The following TNXB variants were observed in gnomAD, a reference collection of about 807,000 sequenced individuals.
The protein encoded by TNXB is tenascin XB, also known as tenascin-X.
A neutral mutation model predicts 340.5 loss-of-function variants in TNXB; 183 were observed. That is an observed-to-expected ratio of 0.54 (90% CI 0.48 to 0.61). The LOEUF is 0.61. TNXB is among the 20% of genes least tolerant of loss of function. The pLI is 0.00. For synonymous variants in TNXB, 2,121 were observed against 2,314.5 expected, an observed-to-expected ratio of 0.92 and a Z score of 2.40; for missense variants, 4,613 against 5,446.4, an observed-to-expected ratio of 0.85 and a Z score of 4.82.
chr6:32,041,455 G>C lies in TNXB; in HGVS notation c.12634-5C>G. On this transcript the variant is annotated splice_region_variant and splice_polypyrimidine_tract_variant and intron_variant, in intron 43 of 43. Coordinates refer to ENST00000644971, the MANE Select transcript of TNXB (RefSeq NM_001365276.2). The stretch of plus-strand genomic sequence containing the variant: ...CCAGTGGTACCAGCTCACTCCCTGG[G>C]AAAGGGGTTGTCAAGAGAGAGTCAA... The C allele has an allele frequency of 1.0e-6, 1 of 979,998 alleles. No homozygotes were observed. 60.7% of individuals were successfully genotyped at this position (979,998 alleles called of 1,614,324 possible). A position where few individuals can be genotyped will look rare whatever the true frequency, so the allele number is the denominator to read the frequency against.
chr6:32,081,434 T>C lies in TNXB; in HGVS notation c.3976A>G (p.Lys1326Glu), dbSNP rs774469183. 7.0e-6 allele frequency: 11 copies of C among 1,569,034 alleles called. No individual in the cohort carries two copies. The highest frequency in any genetic ancestry group is 2.4e-5 in the East Asian group (1 of 42,492). The change falls in exon 10 of 44, where the codon AAG becomes GAG. Residue 1326 changes from lysine (K) to glutamate (E), a missense_variant. Physicochemically the swap from Lys to Glu is moderately conservative, Grantham distance 56 (BLOSUM62 1). Coordinates refer to ENST00000644971, the MANE Select transcript of TNXB (RefSeq NM_001365276.2). The surrounding 1 kb of genome is among the most constrained non-coding windows in gnomAD (Gnocchi z 5.1). ...CCACGAAGCCCGTAGAGGTTCATCTTATACTTCCGGTCGGGATCCAGGCCG... is the reference window on the plus strand; with the variant it reads ...CCACGAAGCCCGTAGAGGTTCATCTCATACTTCCGGTCGGGATCCAGGCCG... ...VPGLDPDRKYKMNLYGLRGRQ... is the reference protein window; with the variant it reads ...VPGLDPDRKYEMNLYGLRGRQ...
In TNXB at chr6:32,067,206, G is replaced by A. The variant is rs1316261494; in HGVS notation, c.6544+455C>T. ...AAGAAAACATTCTAGTGATTCTAGT[G>A]GAGGAAGTGGGTGGGGCAGAGATGA... is the stretch of plus-strand genomic sequence containing the variant. On this transcript the variant is annotated intron_variant, in intron 18 of 43. Transcript: ENST00000644971. The surrounding 1 kb of genome is among the most constrained non-coding windows in gnomAD (Gnocchi z 4.2). Among the ~76,000 whole-genome samples, 1 of 145,464 alleles carries A rather than the reference G, an allele frequency of 6.9e-6. No homozygotes were observed. The highest frequency in any genetic ancestry group is 1.5e-5 in the Non-Finnish European group (1 of 65,492).
intron 18 of TNXB, 42 bp from the exon 19 acceptor site, chr6:32,065,159 G>A (rs959973139): frequency 2.0e-6 from 3 of 1,483,816 alleles, no homozygotes; most frequent in African/African-American, 2.8e-5. Flanking sequence ...TTGCTGCAAG[G>A]AGGTGTTGAG....
chr6:32,046,016 T>C lies in TNXB; in HGVS notation c.10606+159A>G, dbSNP rs1776841388. ...CCTGCTCTGGACTCCTTGATGGATGTTGAAGCCCACAGGGCTGCAGACTCC... is the reference window on the plus strand; with the variant it reads ...CCTGCTCTGGACTCCTTGATGGATGCTGAAGCCCACAGGGCTGCAGACTCC... On this transcript the variant is annotated intron_variant, in intron 31 of 43. Coordinates refer to ENST00000644971, the MANE Select transcript of TNXB (RefSeq NM_001365276.2). The surrounding 1 kb of genome is among the most constrained non-coding windows in gnomAD (Gnocchi z 6.9). The C allele has an allele frequency of 1.4e-6, 2 of 1,383,642 alleles. No individual in the cohort carries two copies. Among genetic ancestry groups the C allele is most frequent in the Non-Finnish European group, 1.9e-6 (2 of 1,070,348 alleles). 85.7% of individuals were successfully genotyped at this position (1,383,642 alleles called of 1,614,324 possible). A position where few individuals can be genotyped will look rare whatever the true frequency, so the allele number is the denominator to read the frequency against.
intron 1 of TNXB, among the ~76,000 whole-genome samples, chr6:32,106,972 T>A: frequency 6.6e-6 from 1 of 152,248 alleles, no homozygotes; most frequent in East Asian, 1.9e-4. Flanking sequence ...TAGGTACACA[T>A]ATGGGTGCCC....
At position 32,083,601 on chromosome 6, in the gene TNXB, C is replaced by CCA. The variant is rs1400298742; in HGVS notation, c.3445+811_3445+812insTG. 4.6e-5 allele frequency among the ~76,000 whole-genome samples: 7 copies of CCA among 152,176 alleles called. No homozygotes were observed. Among genetic ancestry groups the CCA allele is most frequent in the African/African-American group, 1.7e-4 (7 of 41,440 alleles). On this transcript the variant is annotated intron_variant, in intron 8 of 43. Transcript: ENST00000644971. This position sits in a 1 kb window ranked among gnomAD's most constrained non-coding sequence, Gnocchi z 4.6. ...GCCTGGTACACCTTGCTTTCCTTCG[C>CCA]CTCCCCCATCCAGCCCCACTGCCAC...
chr6:32,097,092 C>T lies in TNXB; in HGVS notation c.761G>A (p.Ser254Asn), dbSNP rs757729282. Residue 254 changes from serine to asparagine, a missense_variant, in exon 3 of 44, where the codon AGC becomes AAC. Around this residue, in one of 7 missense-constraint regions of TNXB, gnomAD observed 4,327 missense variants for 4,859.4 expected, o/e 0.89. Transcript: ENST00000644971. This position sits in a 1 kb window ranked among gnomAD's most constrained non-coding sequence, Gnocchi z 5.9. Reference protein sequence around the residue: ...CSQRSCPRGCSQRGRCEGGRC... With the variant: ...CSQRSCPRGCNQRGRCEGGRC... Reference sequence around the variant, plus strand: ...CCCACCCTCACAGCGTCCCCTCTGGCTGCAACCTCGAGGGCAGGAGCGCTG... The same window carrying T: ...CCCACCCTCACAGCGTCCCCTCTGGTTGCAACCTCGAGGGCAGGAGCGCTG... 8.7e-6 allele frequency: 14 copies of T among 1,613,452 alleles called. No homozygotes were observed. The East Asian group carries it at 3.1e-4, about 36-fold the overall frequency.
chr6:32,062,248 G>A lies in TNXB; in HGVS notation c.7077C>T (p.Ser2359=), dbSNP rs548923920. 99 of 1,613,250 alleles carry A rather than the reference G, an allele frequency of 6.1e-5. No individual in the cohort carries two copies. Among genetic ancestry groups the A allele is most frequent in the Middle Eastern group, 1.7e-4 (1 of 6,052 alleles). The change falls in exon 20 of 44, where the codon TCC becomes TCT. Residue 2359 remains serine (S), a synonymous_variant. Transcript: ENST00000644971. This position sits in a 1 kb window ranked among gnomAD's most constrained non-coding sequence, Gnocchi z 4.3. ...TGTACTTGTTGTCTGGCTCCAGGCC[G>A]GAGATGGTGACCCTGTCCTCATGTC... ...VPGHEDRVTI[S]GLEPDNKYKM...
chr6:32,097,493 A>G lies in TNXB; in HGVS notation c.404-44T>C. ...GGCAAGTCTCAGTCTCTCTCCTGGG[A>G]GAGAGGCTGAGCCTATGTAGTGCTC... On this transcript the variant is annotated intron_variant, in intron 2 of 43. Coordinates refer to ENST00000644971, the MANE Select transcript of TNXB (RefSeq NM_001365276.2). The surrounding 1 kb of genome is among the most constrained non-coding windows in gnomAD (Gnocchi z 5.9). 1 of 1,557,804 alleles carries G rather than the reference A, an allele frequency of 6.4e-7. No homozygotes were observed. Among genetic ancestry groups the G allele is most frequent in the Non-Finnish European group, 8.7e-7 (1 of 1,155,518 alleles).
In TNXB at chr6:32,079,321, C is replaced by A; in HGVS notation, c.4087G>T (p.Gly1363Cys). ...TCGGGGGACTCCGGGGCCTCCGTGC[C>A]CAGTTCTGTGGGGCTGGGGGTCTCG... ...VDETPSPTELGTEAPESPEEP... is the reference protein window; with the variant it reads ...VDETPSPTELCTEAPESPEEP... Residue 1363 changes from glycine (G) to cysteine (C), a missense_variant, in exon 11 of 44, where the codon GGC becomes TGC. Physicochemically the swap from Gly to Cys is radical, Grantham distance 159 (BLOSUM62 -3). Around this residue, in one of 7 missense-constraint regions of TNXB, gnomAD observed 4,327 missense variants for 4,859.4 expected, o/e 0.89. Transcript: ENST00000644971. This position sits in a 1 kb window ranked among gnomAD's most constrained non-coding sequence, Gnocchi z 7.1. 6.2e-7 allele frequency: 1 copy of A among 1,612,352 alleles called. No individual in the cohort carries two copies. Among genetic ancestry groups the A allele is most frequent in the Non-Finnish European group, 8.5e-7 (1 of 1,179,514 alleles).
rs1402277119 is a variant in TNXB at position 32,075,691 on chromosome 6, G to A, written c.4376-1739C>T. ...CTGCTTTATTCACTGCTGTGTCCCA[G>A]TCCCTGGCACACAGTAGGTGCTCCA... On this transcript the variant is annotated intron_variant, in intron 11 of 43. Coordinates refer to ENST00000644971, the MANE Select transcript of TNXB (RefSeq NM_001365276.2). This position sits in a 1 kb window ranked among gnomAD's most constrained non-coding sequence, Gnocchi z 4.6. Among the ~76,000 whole-genome samples the A allele has an allele frequency of 6.6e-6, 1 of 152,222 alleles. No homozygotes were observed. Among genetic ancestry groups the A allele is most frequent in the African/African-American group, 2.4e-5 (1 of 41,450 alleles).
chr6:32,091,179 C>G (rs2127277388), intron 4 of TNXB, among the ~76,000 whole-genome samples: 1 of 152,354 alleles, frequency 6.6e-6, no homozygotes. Context: ...GGCGCGATCT[C>G]AGCTCATCGC....
rs994672804 is a variant in TNXB, at chr6:32,073,121, G to A, written c.4681+526C>T. 3.9e-5 allele frequency among the ~76,000 whole-genome samples: 6 copies of A among 152,310 alleles called. No homozygotes were observed. In the East Asian group the frequency reaches 1.2e-3, roughly 29 times the overall value. On this transcript the variant is annotated intron_variant, in intron 12 of 43. Transcript: ENST00000644971. The surrounding 1 kb of genome is among the most constrained non-coding windows in gnomAD (Gnocchi z 4.6). ...AGAACCTGTGCCCAGGAAGCCATGA[G>A]GGGCAGGAAGGAGCCCAGAGCAAGA... is the stretch of plus-strand genomic sequence containing the variant.
rs2151908032 is a variant in TNXB at position 32,062,218 on chromosome 6, C to T, written c.7107G>A (p.Met2369Ile). 1.2e-6 allele frequency: 2 copies of T among 1,613,280 alleles called. No individual in the cohort carries two copies. The highest frequency in any genetic ancestry group is 1.3e-5 in the African/African-American group (1 of 75,056). ...SGLEPDNKYK[M>I]NLYGFHGGQR... ...GGCCACCGTGGAAGCCGTACAGGTTCATCTTGTACTTGTTGTCTGGCTCCA... is the reference window on the plus strand; with the variant it reads ...GGCCACCGTGGAAGCCGTACAGGTTTATCTTGTACTTGTTGTCTGGCTCCA... The change falls in exon 20 of 44, where the codon ATG (methionine) becomes ATA (isoleucine). Residue 2369 changes from methionine to isoleucine, a missense_variant. Physicochemically the swap from Met to Ile is conservative, Grantham distance 10. Around this residue, in one of 7 missense-constraint regions of TNXB, gnomAD observed 4,327 missense variants for 4,859.4 expected, o/e 0.89. Transcript: ENST00000644971. This position sits in a 1 kb window ranked among gnomAD's most constrained non-coding sequence, Gnocchi z 4.3.
In TNXB at chr6:32,096,933, C is replaced by T. The variant is rs776922010; in HGVS notation, c.920G>A (p.Gly307Glu). Residue 307 changes from glycine (G) to glutamate (E), a missense_variant, in exon 3 of 44, where the codon GGG becomes GAG. Transcript: ENST00000644971. Reference protein sequence around the residue: ...CNPGYTGEDCGVRSCPRGCSQ... With the variant: ...CNPGYTGEDCEVRSCPRGCSQ... ...GCAGCCCCGAGGGCAGCTCCTCACC[C>T]CACAGTCCTCGCCAGTGTAGCCGGG... 1.3e-6 allele frequency: 2 copies of T among 1,593,668 alleles called. No individual in the cohort carries two copies. The highest frequency in any genetic ancestry group is 1.7e-6 in the Non-Finnish European group (2 of 1,163,064).
At chr6:32,095,291 C>T in intron 3 of TNXB, 100 bp from the exon 4 acceptor site, 1 of 890,724 alleles carries the variant, frequency 1.1e-6, no homozygotes, top group Non-Finnish European at 1.8e-6. Context: ...CCCATCCTAA[C>T]TCCCACTCCT....
At chr6:32,044,155 C>G in intron 33 of TNXB, 26 bp from the exon 34 acceptor site, 1 of 1,468,082 alleles carries the variant, frequency 6.8e-7, no homozygotes, top group Non-Finnish European at 9.3e-7. Context: ...GGAACAATGA[C>G]GCAGGCAGGG....
chr6:32,063,854 C>T (rs1230119853), intron 19 of TNXB, among the ~76,000 whole-genome samples: 1 of 152,140 alleles, frequency 6.6e-6, no homozygotes, highest in Non-Finnish European at 1.5e-5. Context: ...AGCCGAGTTA[C>T]AGGGTAATGA....
chr6:32,099,966 AAAAAC>A lies in TNXB; in HGVS notation c.-8-1765_-8-1761del, dbSNP rs1222678543. On this transcript the variant is annotated intron_variant, in intron 1 of 43. Coordinates refer to ENST00000644971, the MANE Select transcript of TNXB (RefSeq NM_001365276.2). The stretch of plus-strand genomic sequence containing the variant: ...CTAAGTAAAAAAAAAAAAAAAAAAA[AAAAAC>A]AGTCATTCTCCACCTTATGTCTGAT... Among the ~76,000 whole-genome samples the A allele has an allele frequency of 2.6e-3, 394 of 151,590 alleles. 11 individuals are homozygous for A. The East Asian group carries it at 0.051, about 20-fold the overall frequency.
Sources: gnomAD v4.1 joint callset for allele counts (sites outside exome capture counted in the v4.1 genomes callset) on GRCh38, gnomAD v4.1.1 for gene constraint, gnomAD v4.1.1 regional missense constraint, Gnocchi (gnomAD v3.1) non-coding constraint, MANE v1.5 for transcripts, NCBI Gene and HGNC (gene_info 2026-07-23, HGNC 2026-07-21) for gene names.